The following SCN9A variants were observed in gnomAD, a reference collection of about 807,000 sequenced individuals.
The protein encoded by SCN9A is sodium channel protein type 9 subunit alpha.
A neutral mutation model predicts 187.0 loss-of-function variants in SCN9A; 131 were observed. The observed-to-expected ratio is 0.70, with a 90% CI of 0.61 to 0.81. The LOEUF (loss-of-function observed/expected upper bound fraction) is 0.81. Ranked by LOEUF, SCN9A falls within the 30% of genes least tolerant of loss-of-function variation. The pLI, the probability that SCN9A is intolerant of heterozygous loss-of-function variation, is 0.00. For synonymous variants in SCN9A, 809 were observed against 808.6 expected (o/e 1.00, Z -0.01); for missense variants, 2,252 against 2,396.6 (o/e 0.94, Z 1.26).
intron 24 of SCN9A, among the ~76,000 whole-genome samples, chr2:166,212,019 C>A (rs947290857): frequency 1.3e-5 from 2 of 152,178 alleles, no homozygotes; most frequent in Non-Finnish European, 1.5e-5. Context: ...TATATGCTGT[C>A]TCCAGATACT....
chr2:166,367,725 C>T (rs1447169820), intron 1 of SCN9A, among the ~76,000 whole-genome samples: 1 of 152,142 alleles, frequency 6.6e-6, no homozygotes, highest in Non-Finnish European at 1.5e-5. Context: ...TGCAATAATA[C>T]TCCTAGACCA....
chr2:166,276,876 A>T, intron 16 of SCN9A, 107 bp downstream of exon 16: 1 of 861,152 alleles, frequency 1.2e-6, no homozygotes, highest in Non-Finnish European at 1.6e-6. Context: ...TTTTGCAATT[A>T]ATAATTGTAG....
chr2:166,254,217 T>C (rs2106430532), intron 17 of SCN9A, among the ~76,000 whole-genome samples: 1 of 151,786 alleles, frequency 6.6e-6, no homozygotes, highest in East Asian at 1.9e-4. Flanking sequence ...ATATTTAACA[T>C]GAACTATTAT....
intron 26 of SCN9A, among the ~76,000 whole-genome samples, chr2:166,201,160 G>GTA (rs529835293): frequency 1.1e-3 from 159 of 149,662 alleles, no homozygotes; most frequent in African/African-American, 3.6e-3. Flanking sequence ...TGGGTCAACA[G>GTA]TATATATATG....
At chr2:166,276,919 G>T in intron 16 of SCN9A, 64 bp downstream of exon 16, 1 of 1,275,318 alleles carries the variant, frequency 7.8e-7, no homozygotes, top group South Asian at 1.8e-5. Flanking sequence ...AAAAATAATA[G>T]ATCACATCAT....
At chr2:166,291,336 A>C (rs1698059848) in intron 9 of SCN9A, among the ~76,000 whole-genome samples, 1 of 152,168 alleles carries the variant, frequency 6.6e-6, no homozygotes, top group South Asian at 2.1e-4. Flanking sequence ...AATTGCTATA[A>C]AGAGAATAAA....
Position 166,199,624 on chromosome 2 carries a change from T to G in SCN9A, c.5015A>C (p.Glu1672Ala). 1 of 1,614,160 alleles carries G rather than the reference T, an allele frequency of 6.2e-7. No individual in the cohort carries two copies. Among genetic ancestry groups the G allele is most frequent in the Non-Finnish European group, 8.5e-7 (1 of 1,180,026 alleles). ...ATTGAACATGTCATTAATTCCATCT[T>G]CCTTTTTAACATAGGCAAAGTTGGA... is the stretch of plus-strand genomic sequence containing the variant. ...GMSNFAYVKKEDGINDMFNFE... is the reference protein window; with the variant it reads ...GMSNFAYVKKADGINDMFNFE... Residue 1672 changes from glutamate (E) to alanine (A), a missense_variant, in exon 27 of 27, where the codon GAA becomes GCA. Physicochemically the swap from Glu to Ala is moderately radical, Grantham distance 107. Transcript: ENST00000642356.
At chr2:166,200,164 A>C (rs1164047377) in intron 26 of SCN9A, among the ~76,000 whole-genome samples, 3 of 147,624 alleles carry the variant, frequency 2.0e-5, no homozygotes, top group Non-Finnish European at 4.5e-5. Context: ...CGCCCGGCTA[A>C]TTTTTTGTAT....
chr2:166,288,156 T>C (rs1697871010), intron 10 of SCN9A, among the ~76,000 whole-genome samples: 2 of 141,828 alleles, frequency 1.4e-5, no homozygotes, highest in Non-Finnish European at 1.5e-5. Flanking sequence ...TATGTATATA[T>C]AGACATACAC....
chr2:166,345,799 G>A (rs1179042100), intron 1 of SCN9A, among the ~76,000 whole-genome samples: 8 of 151,920 alleles, frequency 5.3e-5, no homozygotes. Flanking sequence ...AAATAAACGG[G>A]GCCTATGCTA....
chr2:166,324,112 T>C (rs914897141), intron 1 of SCN9A, among the ~76,000 whole-genome samples: 3 of 151,744 alleles, frequency 2.0e-5, no homozygotes, highest in African/African-American at 2.4e-5. Context: ...TACCTGTAAA[T>C]AACTTAATCT....
chr2:166,335,484 A>G (rs1699603980), intron 1 of SCN9A, among the ~76,000 whole-genome samples: 1 of 152,140 alleles, frequency 6.6e-6, no homozygotes, highest in Non-Finnish European at 1.5e-5. Flanking sequence ...CAGCTGTGTT[A>G]GTGTGGACAC....
At chr2:166,250,294 C>G (rs910640337) in intron 18 of SCN9A, among the ~76,000 whole-genome samples, 2 of 152,232 alleles carry the variant, frequency 1.3e-5, no homozygotes, top group African/African-American at 4.8e-5. Flanking sequence ...TCATTAGCAT[C>G]TGTGCTATCA....
chr2:166,368,715 TG>T (rs1472666792), intron 1 of SCN9A, among the ~76,000 whole-genome samples: 11 of 145,096 alleles, frequency 7.6e-5, no homozygotes, highest in African/African-American at 2.8e-4. Context: ...AGGCTGGGCA[TG>T]GTGGCTCACG....
chr2:166,324,493 A>G (rs947638146), intron 1 of SCN9A, among the ~76,000 whole-genome samples: 2 of 152,138 alleles, frequency 1.3e-5, no homozygotes, highest in African/African-American at 4.8e-5. Context: ...CTAGAAACAC[A>G]TAGTGATTTT....
At position 166,197,239 on chromosome 2, in the gene SCN9A, A is replaced by T. The variant is rs1326592118; in HGVS notation, c.*1433T>A. 6.6e-6 allele frequency: 1 copy of T among 152,082 alleles called. No individual in the cohort carries two copies. The highest frequency in any genetic ancestry group is 1.5e-5 in the Non-Finnish European group (1 of 67,984). 9.4% of individuals were successfully genotyped at this position (152,082 alleles called of 1,614,324 possible). A position where few individuals can be genotyped will look rare whatever the true frequency, so the allele number is the denominator to read the frequency against. ...TCATATTCCTGAAATAAACTCACGAAAAAAAGCATTATGGTTATTTCTTTT... is the reference window on the plus strand; with the variant it reads ...TCATATTCCTGAAATAAACTCACGATAAAAAGCATTATGGTTATTTCTTTT... On this transcript the variant is annotated 3_prime_UTR_variant, in exon 27 of 27. Coordinates refer to ENST00000642356, the MANE Select transcript of SCN9A (RefSeq NM_001365536.1).
intron 1 of SCN9A, among the ~76,000 whole-genome samples, chr2:166,354,256 A>T (rs1409423365): frequency 6.6e-6 from 1 of 152,248 alleles, no homozygotes; most frequent in Non-Finnish European, 1.5e-5. Flanking sequence ...TGTGCAAAAA[A>T]TATAAGGATT....
At chr2:166,319,953 A>T (rs1299007886) in intron 1 of SCN9A, among the ~76,000 whole-genome samples, 1 of 152,058 alleles carries the variant, frequency 6.6e-6, no homozygotes, top group Non-Finnish European at 1.5e-5. Flanking sequence ...TATAAATCCA[A>T]CCCATAGAAT....
intron 12 of SCN9A, among the ~76,000 whole-genome samples, chr2:166,283,806 T>C (rs1001607171): frequency 1.3e-5 from 2 of 152,112 alleles, no homozygotes; most frequent in Non-Finnish European, 2.9e-5. Flanking sequence ...ATTGGAGAGA[T>C]AGCAGAGTGA....
Sources: allele counts gnomAD v4.1 joint callset (sites outside exome capture counted in the v4.1 genomes callset), GRCh38; gene constraint gnomAD v4.1.1; transcripts MANE v1.5; gene names NCBI Gene and HGNC (gene_info 2026-07-23, HGNC 2026-07-21).